The following LRRC4C variants were observed in gnomAD, a reference collection of about 807,000 sequenced individuals.
LRRC4C encodes the protein leucine-rich repeat-containing protein 4C.
Under a neutral mutation model 33.6 loss-of-function variants are expected in LRRC4C, and 5 were observed. The observed-to-expected ratio is 0.15, with a 90% CI of 0.08 to 0.31. LRRC4C has a LOEUF of 0.31. Ranked by LOEUF, LRRC4C falls within the 10% of genes least tolerant of loss-of-function variation. LRRC4C has a pLI of 1.00. For synonymous variants in LRRC4C, 329 were observed against 302.0 expected (o/e 1.09, Z -0.93); for missense variants, 560 against 796.7 (o/e 0.70, Z 3.58).
At chr11:40,576,125 GA>G (rs972885987) in intron 3 of LRRC4C, among the ~76,000 whole-genome samples, 1 of 152,056 alleles carries the variant, frequency 6.6e-6, no homozygotes, top group Non-Finnish European at 1.5e-5. Context: ...TTAATTTTAT[GA>G]AAAAATAAAG....
At chr11:40,856,666 T>C (rs1953800073) in intron 2 of LRRC4C, among the ~76,000 whole-genome samples, 1 of 152,114 alleles carries the variant, frequency 6.6e-6, no homozygotes, top group Admixed American at 6.5e-5. Flanking sequence ...CTTGTGGGAG[T>C]AAACAAAATA....
intron 6 of LRRC4C, among the ~76,000 whole-genome samples, chr11:40,126,487 A>G (rs947754552): frequency 2.6e-5 from 4 of 152,202 alleles, no homozygotes; most frequent in Non-Finnish European, 4.4e-5. Flanking sequence ...TAAATTACCT[A>G]TGTCTTCAAG....
intron 3 of LRRC4C, among the ~76,000 whole-genome samples, chr11:40,544,456 C>T (rs944482357): frequency 6.6e-6 from 1 of 152,008 alleles, no homozygotes; most frequent in Admixed American, 6.6e-5. Context: ...TTCTTTGTAC[C>T]TACTTCATTG....
At chr11:40,796,787 C>A (rs1292680033) in intron 2 of LRRC4C, among the ~76,000 whole-genome samples, 1 of 151,940 alleles carries the variant, frequency 6.6e-6, no homozygotes, top group Non-Finnish European at 1.5e-5. Context: ...ACTGGGATTA[C>A]AGGCATGCAC....
In LRRC4C at chr11:40,653,335, T is replaced by G. The variant is rs1040374389; in HGVS notation, c.-406-5057A>C. On this transcript the variant is annotated intron_variant, in intron 2 of 6. Coordinates refer to ENST00000528697, the MANE Select transcript of LRRC4C (RefSeq NM_001258419.2). ...TGAATGACTTTGACCAAAATTCTGA[T>G]AGTGATATGGACAATGAAGACCAGG... Among the ~76,000 whole-genome samples the G allele has an allele frequency of 9.8e-5, 15 of 152,298 alleles. 1 individual carries two copies. The East Asian group carries it at 2.9e-3, about 30-fold the overall frequency.
chr11:40,952,874 ACACACACACACACACACACACACTCT>A (rs1958767694), intron 1 of LRRC4C, among the ~76,000 whole-genome samples: 2 of 107,548 alleles, frequency 1.9e-5, no homozygotes, highest in South Asian at 4.2e-4. Context: ...ACACACACAC[ACACACACACACACACACACACACTCT>A]CTCTCTCTCT....
At chr11:40,270,481 C>CCCAGGG (rs1942610052) in intron 4 of LRRC4C, among the ~76,000 whole-genome samples, 1 of 152,024 alleles carries the variant, frequency 6.6e-6, no homozygotes, top group African/African-American at 2.4e-5. Context: ...TTAATTACTT[C>CCCAGGG]TTCAAAGATG....
intron 2 of LRRC4C, among the ~76,000 whole-genome samples, chr11:40,840,801 A>C (rs1952878020): frequency 6.6e-6 from 1 of 152,234 alleles, no homozygotes; most frequent in Admixed American, 6.5e-5. Flanking sequence ...ACAAAAGAAA[A>C]AAGATAAATT....
At chr11:40,932,436 G>T (rs2136476522) in intron 2 of LRRC4C, among the ~76,000 whole-genome samples, 1 of 152,226 alleles carries the variant, frequency 6.6e-6, no homozygotes, top group African/African-American at 2.4e-5. Context: ...GGAAAAGAGT[G>T]AAATGATGGG....
intron 1 of LRRC4C, among the ~76,000 whole-genome samples, chr11:41,188,024 T>C (rs1393449235): frequency 6.7e-6 from 1 of 149,660 alleles, no homozygotes; most frequent in South Asian, 2.2e-4. Context: ...CATTCTCATG[T>C]TATGAATAGA....
At chr11:40,377,170 G>A (rs1359306456) in intron 3 of LRRC4C, among the ~76,000 whole-genome samples, 2 of 152,050 alleles carry the variant, frequency 1.3e-5, no homozygotes, top group Non-Finnish European at 2.9e-5. Flanking sequence ...TTATCTTTGA[G>A]GCCAGTAATG....
Position 40,752,612 on chromosome 11 carries a change from CA to C in LRRC4C, c.-406-104335del, listed in dbSNP as rs527280715. 5.8e-3 allele frequency among the ~76,000 whole-genome samples: 870 copies of C among 149,910 alleles called. 9 individuals carry two copies. The highest frequency in any genetic ancestry group is 0.018 in the African/African-American group (742 of 40,980). ...AACAAACAAAACAAAACAGCAACAA[CA>C]AAAAAAAACAGATGCTTGTGAAGGT... is the stretch of plus-strand genomic sequence containing the variant. On this transcript the variant is annotated intron_variant, in intron 2 of 6. Transcript: ENST00000528697.
chr11:41,450,151 T>C (rs1180119699), intron 1 of LRRC4C, among the ~76,000 whole-genome samples: 1 of 152,156 alleles, frequency 6.6e-6, no homozygotes, highest in Non-Finnish European at 1.5e-5. Flanking sequence ...TTCTTAGACA[T>C]GTTTCCCTCT....
chr11:41,026,785 C>A (rs1392342928), intron 1 of LRRC4C, among the ~76,000 whole-genome samples: 2 of 100,824 alleles, frequency 2.0e-5, no homozygotes, highest in Non-Finnish European at 4.4e-5. Context: ...AGATGGTCAG[C>A]ATTTTTTACC....
chr11:40,600,562 C>T (rs957940774), intron 3 of LRRC4C, among the ~76,000 whole-genome samples: 11 of 152,160 alleles, frequency 7.2e-5, no homozygotes, highest in African/African-American at 2.7e-4. Context: ...TGTGACACCC[C>T]CCAGTACTGC....
chr11:40,556,553 C>G (rs986341836), intron 3 of LRRC4C, among the ~76,000 whole-genome samples: 3 of 152,158 alleles, frequency 2.0e-5, no homozygotes, highest in African/African-American at 7.2e-5. Context: ...GCTCTGCAGT[C>G]CAACTGATCC....
chr11:40,506,347 A>G (rs774261863), intron 3 of LRRC4C, among the ~76,000 whole-genome samples: 1 of 152,182 alleles, frequency 6.6e-6, no homozygotes, highest in Non-Finnish European at 1.5e-5. Context: ...GGCTTTTCAC[A>G]TGAACAGAAA....
intron 3 of LRRC4C, among the ~76,000 whole-genome samples, chr11:40,358,040 A>G (rs568583387): frequency 2.0e-5 from 3 of 151,982 alleles, no homozygotes; most frequent in African/African-American, 7.3e-5. Context: ...AAAATTAGCC[A>G]GGCATAGTGG....
intron 3 of LRRC4C, among the ~76,000 whole-genome samples, chr11:40,401,271 C>G (rs565534704): frequency 6.6e-6 from 1 of 151,836 alleles, no homozygotes. Context: ...CTCTTGCAAA[C>G]AGTAAGCTCT....
Sources: gnomAD v4.1 joint callset for allele counts (sites outside exome capture counted in the v4.1 genomes callset) on GRCh38, gnomAD v4.1.1 for gene constraint, MANE v1.5 for transcripts, NCBI Gene and HGNC (gene_info 2026-07-23, HGNC 2026-07-21) for gene names.